TMTC4: variants seen among roughly 807,000 people sequenced by gnomAD.
The protein encoded by TMTC4 is protein O-mannosyl-transferase TMTC4.
A neutral mutation model predicts 86.0 loss-of-function variants in TMTC4; 65 were observed. The observed-to-expected ratio is 0.76, with a 90% CI of 0.62 to 0.93. The LOEUF (loss-of-function observed/expected upper bound fraction) is 0.93. TMTC4 is among the 40% of genes least tolerant of loss of function. The pLI is 0.00. For missense variants in TMTC4, 866 were observed against 948.1 expected (o/e 0.91, Z 1.14); for synonymous variants, 379 against 382.5 (o/e 0.99, Z 0.11).
intron 7 of TMTC4, among the ~76,000 whole-genome samples, chr13:100,640,681 G>A (rs1882890948): frequency 6.6e-6 from 1 of 152,042 alleles, no homozygotes; most frequent in Non-Finnish European, 1.5e-5. Context: ...ATTAGCTGGG[G>A]TGGTGGCACA....
At chr13:100,615,144 ATTT>A (rs1594238307) in intron 15 of TMTC4, among the ~76,000 whole-genome samples, 1 of 151,820 alleles carries the variant, frequency 6.6e-6, no homozygotes, top group Non-Finnish European at 1.5e-5. Context: ...TATTATTATT[ATTT>A]TTATTTTTGA....
chr13:100,620,920 G>T (rs756352853), intron 15 of TMTC4, among the ~76,000 whole-genome samples: 1 of 152,216 alleles, frequency 6.6e-6, no homozygotes, highest in Non-Finnish European at 1.5e-5. Flanking sequence ...AGTTGTTAAA[G>T]ATTAAGCTCT....
chr13:100,638,184 G>A (rs931804388), intron 7 of TMTC4, 162 bp from the exon 8 acceptor site: 4 of 550,298 alleles, frequency 7.3e-6, no homozygotes, highest in Admixed American at 3.3e-5. Context: ...ACAGCCGTAC[G>A]TTTCTATGAA....
intron 15 of TMTC4, among the ~76,000 whole-genome samples, chr13:100,623,353 C>T (rs1193945915): frequency 1.3e-5 from 2 of 152,260 alleles, no homozygotes; most frequent in East Asian, 3.8e-4. Flanking sequence ...CTGCCTCAGC[C>T]TCCCCAGCAG....
chr13:100,634,856 A>T lies in TMTC4; in HGVS notation c.1455T>A (p.Ser485Arg). ...GAGCACTTCTGAAAAGCTGTTCCTCACTCCGCCACTCGCCGCTGCGCAGCA... is the reference window on the plus strand; with the variant it reads ...GAGCACTTCTGAAAAGCTGTTCCTCTCTCCGCCACTCGCCGCTGCGCAGCA... ...RCVLRSGEWR[S>R]EEQLFRSALS... Residue 485 changes from serine to arginine, a missense_variant, in exon 12 of 19, where the codon AGT becomes AGA. Physicochemically the swap from Ser to Arg is moderately radical, Grantham distance 110. Transcript: ENST00000342624. 6.2e-7 allele frequency: 1 copy of T among 1,614,070 alleles called. No homozygotes were observed. The highest frequency in any genetic ancestry group is 8.5e-7 in the Non-Finnish European group (1 of 1,180,012).
Position 100,624,119 on chromosome 13 carries a change from G to T in TMTC4, c.1836+1416C>A, listed in dbSNP as rs566021709. On this transcript the variant is annotated intron_variant, in intron 15 of 18. Coordinates refer to ENST00000342624, the MANE Select transcript of TMTC4 (RefSeq NM_032813.5). ...AGGCGGGCGGATCACGAGGTCAGGA[G>T]ATCTAGACCATCCTGGCTAACATGG... The T allele has an allele frequency of 2.0e-4, 35 of 176,172 alleles. 1 individual carries two copies. In the South Asian group the frequency reaches 3.7e-3, roughly 19 times the overall value. 10.9% of individuals were successfully genotyped at this position (176,172 alleles called of 1,614,324 possible). A position where few individuals can be genotyped will look rare whatever the true frequency, so the allele number is the denominator to read the frequency against.
chr13:100,664,120 CTAGACTCCTGAA>C, intron 4 of TMTC4, 89 bp downstream of exon 4: 3 of 1,025,742 alleles, frequency 2.9e-6, no homozygotes, highest in Non-Finnish European at 4.2e-6. Flanking sequence ...GAGCCACTGA[CTAGACTCCTGAA>C]TGCTGAGAAC....
In TMTC4 at chr13:100,634,853, C is replaced by G. The variant is rs765019582; in HGVS notation, c.1458G>C (p.Glu486Asp). 1.6e-5 allele frequency: 26 copies of G among 1,614,138 alleles called. No individual in the cohort carries two copies. In the East Asian group the frequency reaches 5.8e-4, roughly 36 times the overall value. ...ACAGAGCACTTCTGAAAAGCTGTTC[C>G]TCACTCCGCCACTCGCCGCTGCGCA... ...CVLRSGEWRS[E>D]EQLFRSALSV... Residue 486 changes from glutamate to aspartate, a missense_variant, in exon 12 of 19, where the codon GAG (glutamate) becomes GAC (aspartate). Glu to Asp is a conservative substitution (Grantham distance 45). Transcript: ENST00000342624.
rs1388622186 is a variant in TMTC4 at position 100,655,147 on chromosome 13, G to A, written c.640+1234C>T. Among the ~76,000 whole-genome samples the A allele has an allele frequency of 3.3e-5, 5 of 149,700 alleles. No individual in the cohort carries two copies. The South Asian group carries it at 8.5e-4, about 26-fold the overall frequency. ...AACGATTCTCCTGCCTCAGCCTCCC[G>A]AGTAGCTGGGACTACAGGCACACGC... On this transcript the variant is annotated intron_variant, in intron 6 of 18. Coordinates refer to ENST00000342624, the MANE Select transcript of TMTC4 (RefSeq NM_032813.5).
chr13:100,637,773 T>C lies in TMTC4; in HGVS notation c.835-71A>G. On this transcript the variant is annotated intron_variant, in intron 8 of 18. Transcript: ENST00000342624. Reference sequence around the variant, plus strand: ...AAAGTGTGGCTGAGCCAGGTACAGATGTGCAGCAATTCTGCCTGAACTGCT... The same window carrying C: ...AAAGTGTGGCTGAGCCAGGTACAGACGTGCAGCAATTCTGCCTGAACTGCT... 5 of 1,580,924 alleles carry C rather than the reference T, an allele frequency of 3.2e-6. No individual in the cohort carries two copies. The South Asian group carries it at 4.6e-5, about 14-fold the overall frequency.
intron 6 of TMTC4, 60 bp downstream of exon 6, chr13:100,656,321 G>T: frequency 6.8e-7 from 1 of 1,468,476 alleles, no homozygotes; most frequent in Non-Finnish European, 9.4e-7. Flanking sequence ...TTAAGACACT[G>T]CTCAACAGGA....
chr13:100,644,821 C>A (rs1010719449), intron 6 of TMTC4, among the ~76,000 whole-genome samples: 1 of 149,140 alleles, frequency 6.7e-6, no homozygotes, highest in Non-Finnish European at 1.5e-5. Context: ...AACGAACATA[C>A]TTTTTTTTTT....
intron 15 of TMTC4, chr13:100,623,906 T>C: frequency 4.0e-6 from 2 of 497,620 alleles, no homozygotes; most frequent in Admixed American, 4.1e-5. Context: ...TGGAGGGGAC[T>C]AAATTAGGGT....
intron 15 of TMTC4, among the ~76,000 whole-genome samples, chr13:100,622,631 T>A (rs1879709773): frequency 6.6e-6 from 1 of 152,198 alleles, no homozygotes; most frequent in African/African-American, 2.4e-5. Context: ...TCCACCTTGA[T>A]TGTGAGGCCT....
chr13:100,664,425 G>A (rs1257694450), intron 3 of TMTC4, 89 bp from the exon 4 acceptor site: 15 of 890,974 alleles, frequency 1.7e-5, no homozygotes, highest in Non-Finnish European at 2.4e-5. Flanking sequence ...GATGCAGTCA[G>A]GCCTCCTAGC....
At chr13:100,617,441 T>C (rs1444569752) in intron 15 of TMTC4, among the ~76,000 whole-genome samples, 2 of 152,256 alleles carry the variant, frequency 1.3e-5, no homozygotes. Flanking sequence ...CAGCCTCTTC[T>C]AGGATTCTTG....
chr13:100,641,574 G>A (rs1427059994), intron 7 of TMTC4, among the ~76,000 whole-genome samples: 1 of 151,776 alleles, frequency 6.6e-6, no homozygotes, highest in African/African-American at 2.4e-5. Context: ...CGCCACCTCC[G>A]CCTCCTGGGT....
intron 9 of TMTC4, 76 bp from the exon 10 acceptor site, chr13:100,636,810 T>C (rs1882289853): frequency 6.8e-7 from 1 of 1,468,580 alleles, no homozygotes; most frequent in South Asian, 1.2e-5. Flanking sequence ...TAACTTCACT[T>C]TGGAGGCACT....
chr13:100,604,967 C>CA lies in TMTC4; in HGVS notation c.*26dup. On this transcript the variant is annotated 3_prime_UTR_variant, in exon 19 of 19. Transcript: ENST00000342624. ...GATATGCCTCATGCACACACACACTCAAACTCAAAACATGAAGGAAACAGG... is the reference window on the plus strand; with the variant it reads ...GATATGCCTCATGCACACACACACTCAAAACTCAAAACATGAAGGAAACAGG... The CA allele has an allele frequency of 6.2e-7, 1 of 1,609,062 alleles. No individual in the cohort carries two copies. Among genetic ancestry groups the CA allele is most frequent in the Non-Finnish European group, 8.5e-7 (1 of 1,177,904 alleles).
Sources: gnomAD v4.1 joint callset for allele counts (sites outside exome capture counted in the v4.1 genomes callset) on GRCh38, gnomAD v4.1.1 for gene constraint, MANE v1.5 for transcripts, NCBI Gene and HGNC (gene_info 2026-07-23, HGNC 2026-07-21) for gene names.